The following KCNQ1 variants were observed in gnomAD, a reference collection of about 807,000 sequenced individuals.
KCNQ1 encodes potassium voltage-gated channel subfamily Q member 1.
Under a neutral mutation model 72.4 loss-of-function variants are expected in KCNQ1, and 49 were observed. The observed-to-expected ratio is 0.68, with a 90% CI of 0.54 to 0.86. The LOEUF (loss-of-function observed/expected upper bound fraction) is 0.86. Among genes scored for constraint, KCNQ1 ranks in the 40% least tolerant of loss-of-function variants. The pLI is 0.00. For missense variants in KCNQ1, 790 were observed against 945.1 expected (o/e 0.84, Z 2.15); for synonymous variants, 450 against 412.6 (o/e 1.09, Z -1.10).
In KCNQ1 at chr11:2,445,320, A is replaced by G. The variant is rs1380003005; in HGVS notation, c.222A>G (p.Pro74=). 4 of 1,534,944 alleles carry G rather than the reference A, an allele frequency of 2.6e-6. No individual in the cohort carries two copies. Among genetic ancestry groups the G allele is most frequent in the African/African-American group, 2.8e-5 (2 of 71,022 alleles). ...PASPAAPAAP[P]VASDLGPRPP... is the part of the protein sequence containing the mutation. ...CCCCGGCCGCGCCCGCCGCGCCCCCAGTTGCCTCCGACCTTGGCCCGCGGC... is the reference window on the plus strand; with the variant it reads ...CCCCGGCCGCGCCCGCCGCGCCCCCGGTTGCCTCCGACCTTGGCCCGCGGC... Residue 74 remains proline (P), a synonymous_variant, in exon 1 of 16, where the codon CCA becomes CCG. Transcript: ENST00000155840.
chr11:2,642,646 T>G lies in KCNQ1; in HGVS notation c.1394-19315T>G. On this transcript the variant is annotated intron_variant, in intron 10 of 15. Transcript: ENST00000155840. The surrounding 1 kb of genome is among the most constrained non-coding windows in gnomAD (Gnocchi z 4.3). ...CATTTCATTGATCCTTTATATTTATTTAGTTTCTTGTTTAGTTCTGCTCTG... is the reference window on the plus strand; with the variant it reads ...CATTTCATTGATCCTTTATATTTATGTAGTTTCTTGTTTAGTTCTGCTCTG... The G allele has an allele frequency of 2.5e-6, 1 of 397,970 alleles. No homozygotes were observed. 24.7% of individuals were successfully genotyped at this position (397,970 alleles called of 1,614,324 possible).
chr11:2,637,686 G>A (rs1248921630), intron 10 of KCNQ1: 3 of 152,202 alleles, frequency 2.0e-5, no homozygotes, highest in Non-Finnish European at 4.4e-5. Context: ...ATGTTCTGTA[G>A]ATGTCTATTA....
rs74046840 is a variant in KCNQ1 at position 2,667,101 on chromosome 11, A to C, written c.1514+5020A>C. ...ATTAAATGTTCTTCTAATTAAATTA[A>C]AACCGAGGCGTAATGGCTCAGTGGG... On this transcript the variant is annotated intron_variant, in intron 11 of 15. Coordinates refer to ENST00000155840, the MANE Select transcript of KCNQ1 (RefSeq NM_000218.3). 1,534 of 398,630 alleles carry C rather than the reference A, an allele frequency of 3.8e-3. 18 individuals carry two copies. Among genetic ancestry groups the C allele is most frequent in the African/African-American group, 0.028 (1,386 of 48,748 alleles). The allele number at this position is 398,630 out of a possible 1,614,324, so 24.7% of individuals were successfully genotyped here.
chr11:2,644,314 CT>C, intron 10 of KCNQ1: 1 of 398,302 alleles, frequency 2.5e-6, no homozygotes, highest in Non-Finnish European at 4.4e-6. Flanking sequence ...TTTCAAAAGA[CT>C]TATCTTCAAG....
intron 9 of KCNQ1, among the ~76,000 whole-genome samples, 156 bp downstream of exon 9, chr11:2,587,848 C>T (rs1012411697): frequency 6.6e-6 from 1 of 152,152 alleles, no homozygotes; most frequent in African/African-American, 2.4e-5. Flanking sequence ...GCCATACACC[C>T]GATGCTAGGT....
At chr11:2,545,838 A>G (rs1335525719) in intron 2 of KCNQ1, among the ~76,000 whole-genome samples, 1 of 152,202 alleles carries the variant, frequency 6.6e-6, no homozygotes, top group Admixed American at 6.5e-5. Flanking sequence ...CTATCCTTTA[A>G]ACAGCTATAG....
At chr11:2,487,864 T>C (rs1483686823) in intron 1 of KCNQ1, among the ~76,000 whole-genome samples, 1 of 152,166 alleles carries the variant, frequency 6.6e-6, no homozygotes, top group Non-Finnish European at 1.5e-5. Context: ...TTTCTTTTAA[T>C]TTTTTTCTTG....
In KCNQ1 at chr11:2,624,304, A is replaced by C. The variant is rs1457673400; in HGVS notation, c.1393+35450A>C. On this transcript the variant is annotated intron_variant, in intron 10 of 15. Transcript: ENST00000155840. This position sits in a 1 kb window ranked among gnomAD's most constrained non-coding sequence, Gnocchi z 4.9. Reference sequence around the variant, plus strand: ...TTGTTATGTTTTTAAGGTTCTTTATATATTTTGGATGAGTCCTTTATCAGG... The same window carrying C: ...TTGTTATGTTTTTAAGGTTCTTTATCTATTTTGGATGAGTCCTTTATCAGG... The C allele has an allele frequency of 2.5e-6, 1 of 398,382 alleles. No homozygotes were observed. The highest frequency in any genetic ancestry group is 4.4e-6 in the Non-Finnish European group (1 of 226,026). The allele number at this position is 398,382 out of a possible 1,614,324, so 24.7% of individuals were successfully genotyped here. A position where few individuals can be genotyped will look rare whatever the true frequency, so the allele number is the denominator to read the frequency against.
chr11:2,732,074 C>T (rs1845867005), intron 11 of KCNQ1, among the ~76,000 whole-genome samples: 1 of 152,192 alleles, frequency 6.6e-6, no homozygotes, highest in Non-Finnish European at 1.5e-5. Flanking sequence ...TGATTTTTGC[C>T]CTTTAGGGTT....
chr11:2,580,943 G>A (rs992798931), intron 6 of KCNQ1, among the ~76,000 whole-genome samples: 2 of 152,248 alleles, frequency 1.3e-5, no homozygotes, highest in Non-Finnish European at 2.9e-5. Flanking sequence ...GCAGAGCCCG[G>A]AGTGGAGGGG....
Position 2,486,991 on chromosome 11 carries a change from A to G in KCNQ1, c.387-40937A>G, listed in dbSNP as rs537863398. On this transcript the variant is annotated intron_variant, in intron 1 of 15. Coordinates refer to ENST00000155840, the MANE Select transcript of KCNQ1 (RefSeq NM_000218.3). The surrounding 1 kb of genome is among the most constrained non-coding windows in gnomAD (Gnocchi z 5.0). ...AGCTTTTGCCCTATGTTTTCTTCTAAGATTTTTATAGTTTTACGTTGCACA... is the reference window on the plus strand; with the variant it reads ...AGCTTTTGCCCTATGTTTTCTTCTAGGATTTTTATAGTTTTACGTTGCACA... Among the ~76,000 whole-genome samples the G allele has an allele frequency of 1.3e-5, 2 of 152,200 alleles. No homozygotes were observed. Among genetic ancestry groups the G allele is most frequent in the African/African-American group, 4.8e-5 (2 of 41,450 alleles).
chr11:2,670,728 T>C lies in KCNQ1; in HGVS notation c.1514+8647T>C, dbSNP rs143314275. ...TGGCCCATGGAGCAGGAGGGAACAG[T>C]CTGCAGATATTATCTGGGCACTGGC... On this transcript the variant is annotated intron_variant, in intron 11 of 15. Coordinates refer to ENST00000155840, the MANE Select transcript of KCNQ1 (RefSeq NM_000218.3). The surrounding 1 kb of genome is among the most constrained non-coding windows in gnomAD (Gnocchi z 4.9). 3.0e-5 allele frequency: 12 copies of C among 398,404 alleles called. No homozygotes were observed. The highest frequency in any genetic ancestry group is 2.3e-4 in the African/African-American group (11 of 48,662). 24.7% of individuals were successfully genotyped at this position (398,404 alleles called of 1,614,324 possible).
At position 2,677,606 on chromosome 11, in the gene KCNQ1, GTT is replaced by G. The variant is rs1049051966; in HGVS notation, c.1514+15531_1514+15532del. 1.0e-5 allele frequency: 4 copies of G among 398,348 alleles called. No homozygotes were observed. Among genetic ancestry groups the G allele is most frequent in the Admixed American group, 8.8e-5 (2 of 22,706 alleles). 24.7% of individuals were successfully genotyped at this position (398,348 alleles called of 1,614,324 possible). ...ACAAACCAAAATCCCCTCTGGATTT[GTT>G]TTTTTCTAAAACGTGTACATAATTG... is the stretch of plus-strand genomic sequence containing the variant. On this transcript the variant is annotated intron_variant, in intron 11 of 15. Coordinates refer to ENST00000155840, the MANE Select transcript of KCNQ1 (RefSeq NM_000218.3). This position sits in a 1 kb window ranked among gnomAD's most constrained non-coding sequence, Gnocchi z 4.5.
At chr11:2,520,537 A>G (rs1847364389) in intron 1 of KCNQ1, among the ~76,000 whole-genome samples, 1 of 152,102 alleles carries the variant, frequency 6.6e-6, no homozygotes, top group Non-Finnish European at 1.5e-5. Flanking sequence ...GAGGGGGGTG[A>G]CCAGCTGGTA....
At chr11:2,812,074 G>A (rs992181584) in intron 15 of KCNQ1, among the ~76,000 whole-genome samples, 1 of 152,010 alleles carries the variant, frequency 6.6e-6, no homozygotes, top group African/African-American at 2.4e-5. Context: ...CTAAGCCGCC[G>A]CCTCCTCAGG....
chr11:2,669,655 T>C lies in KCNQ1; in HGVS notation c.1514+7574T>C. 2.5e-6 allele frequency: 1 copy of C among 398,632 alleles called. No individual in the cohort carries two copies. The allele number at this position is 398,632 out of a possible 1,614,324, so 24.7% of individuals were successfully genotyped here. On this transcript the variant is annotated intron_variant, in intron 11 of 15. Coordinates refer to ENST00000155840, the MANE Select transcript of KCNQ1 (RefSeq NM_000218.3). The surrounding 1 kb of genome is among the most constrained non-coding windows in gnomAD (Gnocchi z 5.6). The stretch of plus-strand genomic sequence containing the variant: ...TTTCCTCTTGTATACATTGGGAGTA[T>C]ATCTCACAGTATTAGTGTAAGGCCT...
At chr11:2,525,896 A>G (rs772919750) in intron 1 of KCNQ1, among the ~76,000 whole-genome samples, 2 of 152,180 alleles carry the variant, frequency 1.3e-5, no homozygotes, top group Non-Finnish European at 2.9e-5. Context: ...TGCAGCCCAC[A>G]GCCCCACTCT....
chr11:2,477,507 CAG>C lies in KCNQ1; in HGVS notation c.386+32029_386+32030del, dbSNP rs889689336. On this transcript the variant is annotated intron_variant, in intron 1 of 15. Transcript: ENST00000155840. The surrounding 1 kb of genome is among the most constrained non-coding windows in gnomAD (Gnocchi z 5.0). Reference sequence around the variant, plus strand: ...AGTGATCTCTCTGCTGCCTCACTAGCAGAGAGAAAAGAAAACTACAGACCAGT... The same window carrying C: ...AGTGATCTCTCTGCTGCCTCACTAGCAGAGAAAAGAAAACTACAGACCAGT... 1.3e-5 allele frequency among the ~76,000 whole-genome samples: 2 copies of C among 152,022 alleles called. No homozygotes were observed. The highest frequency in any genetic ancestry group is 2.4e-5 in the African/African-American group (1 of 41,370).
intron 6 of KCNQ1, among the ~76,000 whole-genome samples, chr11:2,576,751 C>T (rs1004685210): frequency 6.6e-6 from 1 of 152,226 alleles, no homozygotes; most frequent in Admixed American, 6.5e-5. Context: ...CAGGGCCTCC[C>T]AGACAGTCAC....
Sources: allele counts gnomAD v4.1 joint callset (sites outside exome capture counted in the v4.1 genomes callset), GRCh38; gene constraint gnomAD v4.1.1; non-coding constraint Gnocchi (gnomAD v3.1); transcripts MANE v1.5; gene names NCBI Gene and HGNC (gene_info 2026-07-23, HGNC 2026-07-21).